ANKRD30BL: variants seen among roughly 807,000 people sequenced by gnomAD.
ANKRD30BL encodes ankyrin repeat domain 30B like.
In ANKRD30BL, 20 loss-of-function variants were observed where a neutral mutation model predicts 18.4. The observed-to-expected ratio is 1.09, with a 90% CI of 0.77 to 1.58. The LOEUF is 1.58. ANKRD30BL is among the 40% of genes most tolerant of loss of function. ANKRD30BL has a pLI of 0.00. For synonymous variants in ANKRD30BL, 72 were observed against 100.9 expected, an observed-to-expected ratio of 0.71 and a Z score of 1.72; for missense variants, 224 against 268.6, an observed-to-expected ratio of 0.83 and a Z score of 1.16.
intron 1 of ANKRD30BL, among the ~76,000 whole-genome samples, chr2:132,234,690 A>T (rs1219495882): frequency 6.6e-6 from 1 of 152,168 alleles, no homozygotes; most frequent in Non-Finnish European, 1.5e-5. Flanking sequence ...TTGTGGCAAT[A>T]ATCAATAGCT....
At chr2:132,231,562 C>T (rs1371927421) in intron 1 of ANKRD30BL, among the ~76,000 whole-genome samples, 1 of 152,146 alleles carries the variant, frequency 6.6e-6, no homozygotes, top group South Asian at 2.1e-4. Flanking sequence ...CTTTCCGAGT[C>T]AAAGAAAGGG....
Position 132,147,708 on chromosome 2 carries a change from TA to T in ANKRD30BL, c.*422del. The T allele has an allele frequency of 6.1e-6, 1 of 164,858 alleles. No homozygotes were observed. The highest frequency in any genetic ancestry group is 1.7e-4 in the South Asian group (1 of 6,034). 10.2% of individuals were successfully genotyped at this position (164,858 alleles called of 1,614,324 possible). A position where few individuals can be genotyped will look rare whatever the true frequency, so the allele number is the denominator to read the frequency against. On this transcript the variant is annotated 3_prime_UTR_variant, in exon 6 of 6. Transcript: ENST00000409867. ...TCTTATTTCTAACGCAGCTAGTCCC[TA>T]CTGTTGTGTCTTTTCCCTATTGGAT...
At chr2:132,235,378 T>G (rs201833370) in intron 1 of ANKRD30BL, among the ~76,000 whole-genome samples, 72 of 151,368 alleles carry the variant, frequency 4.8e-4, no homozygotes, top group African/African-American at 9.8e-4. Context: ...TATTCAATTA[T>G]GAAAAGAGGA....
intron 1 of ANKRD30BL, among the ~76,000 whole-genome samples, chr2:132,231,182 C>G (rs1357361339): frequency 6.6e-6 from 1 of 152,138 alleles, no homozygotes; most frequent in Non-Finnish European, 1.5e-5. Flanking sequence ...TAGAAGCATT[C>G]TCAGAAACTT....
At chr2:132,256,932 GC>G (rs1264443852) in intron 1 of ANKRD30BL, 3 of 486,320 alleles carry the variant, frequency 6.2e-6, no homozygotes, top group Non-Finnish European at 1.2e-5. Context: ...GAGGGCAAGG[GC>G]ACCTGGGAGC....
chr2:132,158,100 C>T (rs137952685), intron 1 of ANKRD30BL, among the ~76,000 whole-genome samples: 164 of 152,168 alleles, frequency 1.1e-3, no homozygotes, highest in African/African-American at 3.7e-3. Context: ...CACAATTCAC[C>T]GTGCCTTCCA....
At chr2:132,175,893 GTTGGGGCAAAGTGA>G (rs1260732710) in intron 1 of ANKRD30BL, among the ~76,000 whole-genome samples, 2 of 36,324 alleles carry the variant, frequency 5.5e-5, no homozygotes, top group African/African-American at 2.2e-4. Context: ...GGGCAAAGAG[GTTGGGGCAAAGTGA>G]TTGGGGCAAA....
At chr2:132,248,182 A>G (rs796292313) in intron 1 of ANKRD30BL, among the ~76,000 whole-genome samples, 1 of 151,884 alleles carries the variant, frequency 6.6e-6, no homozygotes, top group Non-Finnish European at 1.5e-5. Flanking sequence ...CAAACTGCTC[A>G]ATCAAAACAA....
At chr2:132,198,324 C>CTTTCTTTCTTTCT (rs1387738908) in intron 1 of ANKRD30BL, among the ~76,000 whole-genome samples, 6 of 16,832 alleles carry the variant, frequency 3.6e-4, no homozygotes, top group Non-Finnish European at 6.2e-4. Flanking sequence ...TTCTTTCTTT[C>CTTTCTTTCTTTCT]TTTTTTTTTT....
At chr2:132,160,473 C>T (rs1285282461) in intron 1 of ANKRD30BL, among the ~76,000 whole-genome samples, 1 of 142,870 alleles carries the variant, frequency 7.0e-6, no homozygotes, top group Non-Finnish European at 1.5e-5. Context: ...GAGTCTTGCT[C>T]TGTCACCCAG....
intron 1 of ANKRD30BL, among the ~76,000 whole-genome samples, chr2:132,203,844 T>G (rs1315396019): frequency 2.0e-5 from 3 of 152,196 alleles, no homozygotes; most frequent in African/African-American, 7.2e-5. Flanking sequence ...TTACTTTTGG[T>G]TTCATCAAAA....
intron 1 of ANKRD30BL, among the ~76,000 whole-genome samples, chr2:132,200,421 A>C (rs1241290580): frequency 1.3e-5 from 2 of 152,158 alleles, no homozygotes; most frequent in East Asian, 1.9e-4. Context: ...AAATCTCCTT[A>C]AGCTGATAAG....
Position 132,161,729 on chromosome 2 carries a change from A to T in ANKRD30BL, c.-24T>A. 8.6e-7 allele frequency: 1 copy of T among 1,165,240 alleles called. No individual in the cohort carries two copies. Among genetic ancestry groups the T allele is most frequent in the African/African-American group, 1.5e-5 (1 of 65,286 alleles). The allele number at this position is 1,165,240 out of a possible 1,614,324, so 72.2% of individuals were successfully genotyped here. On this transcript the variant is annotated 5_prime_UTR_variant, in exon 1 of 6. Coordinates refer to ENST00000409867, the MANE Select transcript of ANKRD30BL (RefSeq NM_001358416.1). ...ATGGCTGCAGCCACCTGCTAGAGAG[A>T]GCCCGTGCCTCCCGCTGCTCGCCCT...
At chr2:132,242,631 C>G (rs1303541419) in intron 1 of ANKRD30BL, among the ~76,000 whole-genome samples, 1 of 150,542 alleles carries the variant, frequency 6.6e-6, no homozygotes, top group Non-Finnish European at 1.5e-5. Context: ...TTTGATACAG[C>G]AGTTTTGAAA....
intron 1 of ANKRD30BL, among the ~76,000 whole-genome samples, chr2:132,247,662 T>C (rs985355076): frequency 1.3e-5 from 2 of 151,716 alleles, no homozygotes; most frequent in Non-Finnish European, 3.0e-5. Flanking sequence ...CTGTTTCCAA[T>C]CTGCTAAATC....
At chr2:132,175,342 C>T (rs184211213) in intron 1 of ANKRD30BL, among the ~76,000 whole-genome samples, 10 of 152,070 alleles carry the variant, frequency 6.6e-5, no homozygotes, top group Non-Finnish European at 1.3e-4. Context: ...TGGATGTGCA[C>T]GTAGGCCAGA....
chr2:132,234,760 A>T (rs1016664530), intron 1 of ANKRD30BL, among the ~76,000 whole-genome samples: 1 of 152,172 alleles, frequency 6.6e-6, no homozygotes, highest in Non-Finnish European at 1.5e-5. Context: ...CAGAGGTACA[A>T]GGAGGAACTG....
intron 1 of ANKRD30BL, among the ~76,000 whole-genome samples, chr2:132,223,091 C>T (rs1182820783): frequency 2.6e-5 from 4 of 151,820 alleles, no homozygotes; most frequent in Admixed American, 6.6e-5. Context: ...TTGAGGCCTT[C>T]GTTGGAAACG....
At chr2:132,213,000 A>G (rs1679398066) in intron 1 of ANKRD30BL, among the ~76,000 whole-genome samples, 2 of 151,956 alleles carry the variant, frequency 1.3e-5, no homozygotes, top group Admixed American at 1.3e-4. Flanking sequence ...ACTAGAAAGA[A>G]GAATTCTGAG....
Sources: allele counts gnomAD v4.1 joint callset (sites outside exome capture counted in the v4.1 genomes callset), GRCh38; gene constraint gnomAD v4.1.1; transcripts MANE v1.5; gene names NCBI Gene and HGNC (gene_info 2026-07-23, HGNC 2026-07-21).